SLC8A3: variants seen among roughly 807,000 people sequenced by gnomAD.
SLC8A3 encodes the protein solute carrier family 8 member A3.
Under a neutral mutation model 65.4 loss-of-function variants are expected in SLC8A3, and 37 were observed. That is an observed-to-expected ratio of 0.57 (90% CI 0.44 to 0.74). The LOEUF (loss-of-function observed/expected upper bound fraction) is 0.74, where lower values mean the gene tolerates loss of function less well. SLC8A3 is among the 30% of genes least tolerant of loss of function. The pLI is 0.00. For missense variants in SLC8A3, 1,112 were observed against 1,172.1 expected (o/e 0.95, Z 0.75); for synonymous variants, 461 against 444.5 (o/e 1.04, Z -0.47).
intron 3 of SLC8A3, chr14:70,055,677 T>G: frequency 1.3e-6 from 1 of 775,526 alleles, no homozygotes; most frequent in Admixed American, 3.3e-5. Flanking sequence ...TTGGGAGAAA[T>G]TGTCAGGTTA....
chr14:70,100,528 G>A (rs1399112680), intron 2 of SLC8A3, among the ~76,000 whole-genome samples: 2 of 152,166 alleles, frequency 1.3e-5, no homozygotes, highest in Non-Finnish European at 2.9e-5. Context: ...ATTTTAACAG[G>A]GATAGCAAAG....
intron 2 of SLC8A3, among the ~76,000 whole-genome samples, chr14:70,086,982 G>T (rs556252640): frequency 2.0e-5 from 3 of 152,342 alleles, no homozygotes; most frequent in African/African-American, 7.2e-5. Flanking sequence ...CAGTAGAGGA[G>T]CCCCGTGAAG....
At chr14:70,149,303 T>G (rs1282455035) in intron 2 of SLC8A3, among the ~76,000 whole-genome samples, 2 of 152,090 alleles carry the variant, frequency 1.3e-5, no homozygotes, top group Admixed American at 1.3e-4. Flanking sequence ...AATAGTTAAT[T>G]CCTTAGTTAC....
intron 2 of SLC8A3, among the ~76,000 whole-genome samples, chr14:70,070,834 A>G (rs1889945799): frequency 6.6e-6 from 1 of 152,246 alleles, no homozygotes; most frequent in African/African-American, 2.4e-5. Context: ...CCAGCTTCCC[A>G]GGAATAAAGA....
intron 2 of SLC8A3, among the ~76,000 whole-genome samples, chr14:70,155,200 C>T (rs1191266432): frequency 3.9e-5 from 6 of 152,072 alleles, no homozygotes; most frequent in South Asian, 2.1e-4. Flanking sequence ...GGAATATAGG[C>T]GTGAGCAACC....
chr14:70,070,538 T>C (rs1191252533), intron 2 of SLC8A3, among the ~76,000 whole-genome samples: 1 of 152,154 alleles, frequency 6.6e-6, no homozygotes, highest in African/African-American at 2.4e-5. Flanking sequence ...AGAGGAGAGA[T>C]GTCTCCTGGA....
chr14:70,060,618 G>A (rs764642949), intron 3 of SLC8A3: 1 of 694,342 alleles, frequency 1.4e-6, no homozygotes, highest in Non-Finnish European at 2.7e-6. Context: ...AATAAGCTAA[G>A]GCTAAGAAGG....
At chr14:70,187,494 C>G (rs1485210180) in intron 1 of SLC8A3, among the ~76,000 whole-genome samples, 1 of 151,972 alleles carries the variant, frequency 6.6e-6, no homozygotes, top group Non-Finnish European at 1.5e-5. Context: ...CTTTTTTCCC[C>G]GGAGCAAATT....
chr14:70,046,450 G>C lies in SLC8A3; in HGVS notation c.2390-127C>G, dbSNP rs528229831. ...CCAGGAATGAGAGACAAGGGCTAGGGGGCCACTCCTAACTCCTAGTTCTGC... is the reference window on the plus strand; with the variant it reads ...CCAGGAATGAGAGACAAGGGCTAGGCGGCCACTCCTAACTCCTAGTTCTGC... On this transcript the variant is annotated intron_variant, in intron 6 of 6. Transcript: ENST00000356921. This position sits in a 1 kb window ranked among gnomAD's most constrained non-coding sequence, Gnocchi z 4.2. 2.2e-4 allele frequency: 204 copies of C among 930,152 alleles called. No homozygotes were observed. The highest frequency in any genetic ancestry group is 3.2e-4 in the Non-Finnish European group (200 of 631,946). 57.6% of individuals were successfully genotyped at this position (930,152 alleles called of 1,614,324 possible).
intron 1 of SLC8A3, among the ~76,000 whole-genome samples, chr14:70,175,762 T>G: frequency 6.7e-6 from 1 of 149,206 alleles, no homozygotes; most frequent in African/African-American, 2.5e-5. Flanking sequence ...TGAGAGGCAG[T>G]TTCACTCTGT....
chr14:70,059,596 G>A (rs969910999), intron 3 of SLC8A3, among the ~76,000 whole-genome samples: 2 of 152,136 alleles, frequency 1.3e-5, no homozygotes, highest in Non-Finnish European at 2.9e-5. Context: ...TACCCTGGTT[G>A]CAACATAATC....
In SLC8A3 at chr14:70,112,169, C is replaced by T. The variant is rs181488284; in HGVS notation, c.1785-51230G>A. Among the ~76,000 whole-genome samples, 16 of 152,216 alleles carry T rather than the reference C, an allele frequency of 1.1e-4. No individual in the cohort carries two copies. In the East Asian group the frequency reaches 2.5e-3, roughly 24 times the overall value. On this transcript the variant is annotated intron_variant, in intron 2 of 6. Coordinates refer to ENST00000356921, the MANE Select transcript of SLC8A3 (RefSeq NM_182932.3). ...GGAGAGACTGAGTCTCGCCATTAGGCGAGAAGAATGGATGGTGCAAGGTCC... is the reference window on the plus strand; with the variant it reads ...GGAGAGACTGAGTCTCGCCATTAGGTGAGAAGAATGGATGGTGCAAGGTCC...
intron 2 of SLC8A3, among the ~76,000 whole-genome samples, chr14:70,116,388 C>T (rs1012991308): frequency 5.3e-5 from 8 of 149,938 alleles, no homozygotes; most frequent in African/African-American, 1.7e-4. Context: ...CAGGGTGGAA[C>T]GGGAAGGATC....
intron 2 of SLC8A3, among the ~76,000 whole-genome samples, chr14:70,085,323 C>T (rs1891352996): frequency 6.6e-6 from 1 of 152,172 alleles, no homozygotes; most frequent in South Asian, 2.1e-4. Flanking sequence ...TTATTTACTA[C>T]TAAAAAAACA....
intron 2 of SLC8A3, among the ~76,000 whole-genome samples, chr14:70,105,248 G>T (rs990425512): frequency 1.6e-4 from 24 of 152,134 alleles, no homozygotes; most frequent in African/African-American, 5.6e-4. Context: ...AGAATGGCGT[G>T]AACCTGGGAG....
intron 2 of SLC8A3, among the ~76,000 whole-genome samples, chr14:70,113,102 A>T (rs112286876): frequency 2.5e-5 from 3 of 121,116 alleles, no homozygotes; most frequent in South Asian, 5.4e-4. Flanking sequence ...GCTTGGGGAC[A>T]GTCTTGAGAT....
chr14:70,099,009 GAACTCTTT>G (rs1172789008), intron 2 of SLC8A3, among the ~76,000 whole-genome samples: 1 of 152,198 alleles, frequency 6.6e-6, no homozygotes, highest in East Asian at 1.9e-4. Flanking sequence ...AGGGAAAGCA[GAACTCTTT>G]AACAAATGCC....
intron 2 of SLC8A3, among the ~76,000 whole-genome samples, chr14:70,119,575 C>T (rs914398990): frequency 6.6e-6 from 1 of 152,194 alleles, no homozygotes. Context: ...CTGGAGACTA[C>T]ACAGGCTACT....
chr14:70,046,494 C>T lies in SLC8A3; in HGVS notation c.2390-171G>A, dbSNP rs1323451689. On this transcript the variant is annotated intron_variant, in intron 6 of 6. Transcript: ENST00000356921. This position sits in a 1 kb window ranked among gnomAD's most constrained non-coding sequence, Gnocchi z 4.2. The stretch of plus-strand genomic sequence containing the variant: ...GTTCTGCCGCAAGCAAGCCGTGTGG[C>T]CCTGGGTAGGTCACATCCCTAGTCT... The T allele has an allele frequency of 1.6e-6, 1 of 636,952 alleles. No individual in the cohort carries two copies. Among genetic ancestry groups the T allele is most frequent in the South Asian group, 2.2e-5 (1 of 46,334 alleles). The allele number at this position is 636,952 out of a possible 1,614,324, so 39.5% of individuals were successfully genotyped here.
Sources: allele counts gnomAD v4.1 joint callset (sites outside exome capture counted in the v4.1 genomes callset), GRCh38; gene constraint gnomAD v4.1.1; non-coding constraint Gnocchi (gnomAD v3.1); transcripts MANE v1.5; gene names NCBI Gene and HGNC (gene_info 2026-07-23, HGNC 2026-07-21).